Variants in LARGE1 observed in about 807,000 individuals in gnomAD.
The protein encoded by LARGE1 is xylosyl- and glucuronyltransferase LARGE1.
LARGE1 carries 43 observed loss-of-function variants against 87.6 expected under a neutral mutation model. The ratio of observed to expected loss-of-function variants is 0.49; its 90% CI spans 0.38 to 0.63. The LOEUF (loss-of-function observed/expected upper bound fraction) is 0.63, where lower values mean the gene tolerates loss of function less well. Among genes scored for constraint, LARGE1 ranks in the 30% least tolerant of loss-of-function variants. The pLI, the probability that LARGE1 is intolerant of heterozygous loss-of-function variation, is 0.00. For synonymous variants in LARGE1, 434 were observed against 394.6 expected (o/e 1.10, Z -1.18); for missense variants, 802 against 1,000.2 (o/e 0.80, Z 2.67).
At chr22:33,655,727 T>A (rs575649421) in intron 2 of LARGE1, among the ~76,000 whole-genome samples, 1 of 152,088 alleles carries the variant, frequency 6.6e-6, no homozygotes, top group Non-Finnish European at 1.5e-5. Flanking sequence ...ATGCTCCCTA[T>A]ACTTAGCAAG....
At chr22:33,483,533 C>A (rs895864079) in intron 6 of LARGE1, among the ~76,000 whole-genome samples, 1 of 152,006 alleles carries the variant, frequency 6.6e-6, no homozygotes, top group African/African-American at 2.4e-5. Context: ...AGTGAAGAGG[C>A]AGGTTAAAGA....
At chr22:33,077,238 C>A in the LARGE1 span, among the ~76,000 whole-genome samples, 21 of 152,134 alleles carry the variant, frequency 1.4e-4, no homozygotes, top group African/African-American at 5.1e-4. Context: ...TTATTATGTA[C>A]CAGGCATACT....
At chr22:33,921,962 C>G (rs973608860), upstream of LARGE1, among the ~76,000 whole-genome samples, 1 of 152,046 alleles carries the variant, frequency 6.6e-6, no homozygotes, top group Admixed American at 6.5e-5. This position sits in a 1 kb window ranked among gnomAD's most constrained non-coding sequence, Gnocchi z 4.1. Flanking sequence ...ACGCCGAGAG[C>G]TGCACAACTC....
At chr22:33,479,745 C>CTTT (rs35004846) in intron 6 of LARGE1, among the ~76,000 whole-genome samples, 1 of 139,088 alleles carries the variant, frequency 7.2e-6, no homozygotes. Context: ...AAAGTAATGA[C>CTTT]TTTTTTTTTT....
chr22:33,093,822 CTTTTT>C, the LARGE1 span, among the ~76,000 whole-genome samples: 231 of 81,578 alleles, frequency 2.8e-3, 2 homozygotes, highest in African/African-American at 0.011. Flanking sequence ...TTCTTTCTTT[CTTTTT>C]TTTTTTTTTT....
At chr22:33,154,894 T>G in the LARGE1 span, among the ~76,000 whole-genome samples, 2 of 152,328 alleles carry the variant, frequency 1.3e-5, no homozygotes, top group Admixed American at 1.3e-4. Flanking sequence ...GTGGCAGGTC[T>G]TTCCCATGCT....
the LARGE1 span, among the ~76,000 whole-genome samples, chr22:33,093,304 T>G: frequency 7.9e-5 from 12 of 152,192 alleles, no homozygotes; most frequent in Non-Finnish European, 1.5e-4. Context: ...TCCATTGCCC[T>G]CTGAAGCTTC....
chr22:33,568,880 A>G (rs1264102978), intron 5 of LARGE1, among the ~76,000 whole-genome samples: 1 of 151,872 alleles, frequency 6.6e-6, no homozygotes, highest in Non-Finnish European at 1.5e-5. Context: ...GGATGGATGG[A>G]TGGATGATGG....
intron 6 of LARGE1, among the ~76,000 whole-genome samples, chr22:33,454,231 T>C (rs539852655): frequency 1.3e-5 from 2 of 152,200 alleles, no homozygotes; most frequent in African/African-American, 4.8e-5. Flanking sequence ...TAATTACAGA[T>C]TTGTTTCCCA....
At chr22:33,154,882 T>A in the LARGE1 span, among the ~76,000 whole-genome samples, 1 of 152,180 alleles carries the variant, frequency 6.6e-6, no homozygotes, top group African/African-American at 2.4e-5. Context: ...AATTGAATCA[T>A]GGTGGCAGGT....
At chr22:33,728,551 CAA>C (rs57790780) in intron 2 of LARGE1, among the ~76,000 whole-genome samples, 4,926 of 37,084 alleles carry the variant, frequency 0.13, 480 homozygotes, top group African/African-American at 0.29. Flanking sequence ...CCCCTACCAC[CAA>C]AAAAAAAAAA....
intron 1 of LARGE1, among the ~76,000 whole-genome samples, chr22:33,902,424 G>A (rs1175694893): frequency 6.6e-6 from 1 of 152,186 alleles, no homozygotes; most frequent in Non-Finnish European, 1.5e-5. Context: ...CAGAGAAGCT[G>A]TCAATTGCAA....
intron 6 of LARGE1, among the ~76,000 whole-genome samples, chr22:33,552,120 C>T (rs184847237): frequency 9.2e-5 from 14 of 151,574 alleles, no homozygotes; most frequent in Admixed American, 2.6e-4. Flanking sequence ...GAATTTCTAA[C>T]GGACTGAGCA....
At chr22:33,095,815 A>G in the LARGE1 span, among the ~76,000 whole-genome samples, 1 of 152,118 alleles carries the variant, frequency 6.6e-6, no homozygotes, top group African/African-American at 2.4e-5. Flanking sequence ...TGAGCTTCCC[A>G]GTAGTGTGTC....
intron 1 of LARGE1, among the ~76,000 whole-genome samples, chr22:33,894,823 A>G (rs2065090979): frequency 6.6e-6 from 1 of 152,180 alleles, no homozygotes; most frequent in Non-Finnish European, 1.5e-5. Context: ...AAACACAATG[A>G]GAATCATGAA....
exon 12 of LARGE1, chr22:33,163,785 A>G (rs2146118864): frequency 6.6e-6 from 1 of 152,344 alleles, no homozygotes; most frequent in South Asian, 2.1e-4. Context: ...ATAAAAAGAA[A>G]TTTACGATGC....
intron 6 of LARGE1, among the ~76,000 whole-genome samples, chr22:33,542,814 C>T (rs1461727004): frequency 1.3e-5 from 2 of 152,038 alleles, no homozygotes; most frequent in African/African-American, 2.4e-5. Flanking sequence ...CTCAGTGAAG[C>T]ACTTACTGAA....
At chr22:33,719,987 C>T (rs1348446955) in intron 2 of LARGE1, among the ~76,000 whole-genome samples, 3 of 152,166 alleles carry the variant, frequency 2.0e-5, no homozygotes, top group African/African-American at 2.4e-5. Context: ...TACCAGGTAC[C>T]GGTTTTGTGG....
intron 2 of LARGE1, among the ~76,000 whole-genome samples, chr22:33,752,525 T>C (rs1351588210): frequency 6.6e-6 from 1 of 152,216 alleles, no homozygotes; most frequent in Non-Finnish European, 1.5e-5. Context: ...AGATGAAGTA[T>C]TATGGTCTTA....
Sources: allele counts gnomAD v4.1 joint callset (sites outside exome capture counted in the v4.1 genomes callset), GRCh38; gene constraint gnomAD v4.1.1; non-coding constraint Gnocchi (gnomAD v3.1); transcripts MANE v1.5; gene names NCBI Gene and HGNC (gene_info 2026-07-23, HGNC 2026-07-21).